ZBTB47: variants seen among roughly 807,000 people sequenced by gnomAD.
The protein encoded by ZBTB47 is zinc finger and BTB domain containing 47, also known as zinc finger and BTB domain-containing protein 47.
In ZBTB47, 24 loss-of-function variants were observed where a neutral mutation model predicts 56.6. The observed-to-expected ratio is 0.42, with a 90% CI of 0.31 to 0.60. ZBTB47 has a LOEUF of 0.60. ZBTB47 is among the 20% of genes least tolerant of loss of function. ZBTB47 has a pLI of 0.14. For synonymous variants in ZBTB47, 414 were observed against 418.9 expected, an observed-to-expected ratio of 0.99 and a Z score of 0.14; for missense variants, 829 against 1,032.6, an observed-to-expected ratio of 0.80 and a Z score of 2.70.
chr3:42,659,045 G>A lies in ZBTB47; in HGVS notation c.690G>A (p.Glu230=). 1.6e-5 allele frequency: 24 copies of A among 1,528,388 alleles called. No individual in the cohort carries two copies. Among genetic ancestry groups the A allele is most frequent in the Non-Finnish European group, 2.0e-5 (23 of 1,142,768 alleles). The allele number at this position is 1,528,388 out of a possible 1,614,324, so 94.7% of individuals were successfully genotyped here. ...GTTCTGGCACCTACAGCCGCAGGGA[G>A]CAATCCCAGATCATCGTGGAGGTGA... ...LGGSGTYSRR[E]QSQIIVEVNL... The change falls in exon 2 of 6, where the codon GAG becomes GAA. Residue 230 remains glutamate (E), a synonymous_variant. Coordinates refer to ENST00000232974, the MANE Select transcript of ZBTB47 (RefSeq NM_145166.4).
In ZBTB47 at chr3:42,659,103, G is replaced by A; in HGVS notation, c.748G>A (p.Gly250Arg). The A allele has an allele frequency of 6.7e-7, 1 of 1,498,066 alleles. No homozygotes were observed. The highest frequency in any genetic ancestry group is 8.9e-7 in the Non-Finnish European group (1 of 1,126,560). 92.8% of individuals were successfully genotyped at this position (1,498,066 alleles called of 1,614,324 possible). A position where few individuals can be genotyped will look rare whatever the true frequency, so the allele number is the denominator to read the frequency against. The change falls in exon 2 of 6, where the codon GGG (glycine) becomes AGG (arginine). Residue 250 changes from glycine to arginine, a missense_variant. Gly to Arg is a moderately radical substitution (Grantham distance 125). Coordinates refer to ENST00000232974, the MANE Select transcript of ZBTB47 (RefSeq NM_145166.4). ...CAACCAGACACTGCACGTGTCCACG[G>A]GGCCAGAGGGGAAGCCAGGTGCCGG... The part of the protein sequence containing the change: ...LNNQTLHVST[G>R]PEGKPGAGPS...
In ZBTB47 at chr3:42,658,839, C is replaced by T. The variant is rs1432196701; in HGVS notation, c.484C>T (p.Pro162Ser). The change falls in exon 2 of 6, where the codon CCT becomes TCT. Residue 162 changes from proline (P) to serine (S), a missense_variant. Pro to Ser is a moderately conservative substitution (Grantham distance 74). This residue lies in a region of ZBTB47 where 359 missense variants were observed against 359.8 expected (regional missense o/e 1.00). Coordinates refer to ENST00000232974, the MANE Select transcript of ZBTB47 (RefSeq NM_145166.4). ...GATCTATGCCCGCGAGGGCCCTGAC[C>T]CTTACTCGGTGCGTGTTGAGGACGG... ...PKIYAREGPD[P>S]YSVRVEDGAG... The T allele has an allele frequency of 6.5e-7, 1 of 1,533,082 alleles. No individual in the cohort carries two copies. The highest frequency in any genetic ancestry group is 8.7e-7 in the Non-Finnish European group (1 of 1,145,272). 95.0% of individuals were successfully genotyped at this position (1,533,082 alleles called of 1,614,324 possible). A position where few individuals can be genotyped will look rare whatever the true frequency, so the allele number is the denominator to read the frequency against.
intron 1 of ZBTB47, among the ~76,000 whole-genome samples, chr3:42,655,214 A>G (rs1710626617): frequency 6.6e-6 from 1 of 152,048 alleles, no homozygotes; most frequent in Non-Finnish European, 1.5e-5. Context: ...GGAGGCTGGC[A>G]TGGACACTCC....
At position 42,658,761 on chromosome 3, in the gene ZBTB47, C is replaced by T; in HGVS notation, c.406C>T (p.Pro136Ser). The change falls in exon 2 of 6, where the codon CCG (proline) becomes TCG (serine). Residue 136 changes from proline to serine, a missense_variant. Around this residue, in one of 6 missense-constraint regions of ZBTB47, gnomAD observed 120 missense variants for 200.2 expected, o/e 0.60. Coordinates refer to ENST00000232974, the MANE Select transcript of ZBTB47 (RefSeq NM_145166.4). ...GGCTGCCAGCTGCACTCCAGCTGCGCCGCCCTACTACTGTGACATCAAGCA... is the reference window on the plus strand; with the variant it reads ...GGCTGCCAGCTGCACTCCAGCTGCGTCGCCCTACTACTGTGACATCAAGCA... ...QPAASCTPAA[P>S]PYYCDIKQEA... 1 of 1,531,890 alleles carries T rather than the reference C, an allele frequency of 6.5e-7. No individual in the cohort carries two copies. The highest frequency in any genetic ancestry group is 8.7e-7 in the Non-Finnish European group (1 of 1,144,490). The allele number at this position is 1,531,890 out of a possible 1,614,324, so 94.9% of individuals were successfully genotyped here. A position where few individuals can be genotyped will look rare whatever the true frequency, so the allele number is the denominator to read the frequency against.
At chr3:42,658,249 C>T in intron 1 of ZBTB47, 26 bp from the exon 2 acceptor site, 1 of 1,450,942 alleles carries the variant, frequency 6.9e-7, no homozygotes, top group Non-Finnish European at 9.0e-7. Flanking sequence ...GGCCTTGACC[C>T]ACTCCTGTGC....
Position 42,665,165 on chromosome 3 carries a change from C to T in ZBTB47, c.*567C>T, listed in dbSNP as rs1360238059. The T allele has an allele frequency of 3.9e-5, 6 of 152,742 alleles. No homozygotes were observed. Among genetic ancestry groups the T allele is most frequent in the African/African-American group, 1.4e-4 (6 of 41,464 alleles). The allele number at this position is 152,742 out of a possible 1,614,324, so 9.5% of individuals were successfully genotyped here. A position where few individuals can be genotyped will look rare whatever the true frequency, so the allele number is the denominator to read the frequency against. On this transcript the variant is annotated 3_prime_UTR_variant, in exon 6 of 6. Transcript: ENST00000232974. ...GCAAGCACTGAGGCAGGGCCTGAGA[C>T]TGGACCTGGGTGAGCGTGGGGGGTG...
In ZBTB47 at chr3:42,666,623, A is replaced by T. The variant is rs3733060; in HGVS notation, c.*2025A>T. ...CCCATCACTGGCACCAGGATCTCCC[A>T]CAGGCACTGGTGGTGTCATCACCTG... On this transcript the variant is annotated 3_prime_UTR_variant, in exon 6 of 6. Transcript: ENST00000232974. Among the ~76,000 whole-genome samples the T allele has an allele frequency of 0.083, 12,655 of 152,110 alleles. 596 individuals are homozygous for T. Among genetic ancestry groups the T allele is most frequent in the South Asian group, 0.13 (630 of 4,824 alleles).
In ZBTB47 at chr3:42,658,852, G is replaced by A. The variant is rs1396358458; in HGVS notation, c.497G>A (p.Arg166His). Reference protein sequence around the residue: ...AREGPDPYSVRVEDGAGTAGG... With the variant: ...AREGPDPYSVHVEDGAGTAGG... ...GAGGGCCCTGACCCTTACTCGGTGC[G>A]TGTTGAGGACGGGGCAGGGACTGCT... The change falls in exon 2 of 6, where the codon CGT becomes CAT. Residue 166 changes from arginine to histidine, a missense_variant. Arg to His is a conservative substitution (Grantham distance 29). Coordinates refer to ENST00000232974, the MANE Select transcript of ZBTB47 (RefSeq NM_145166.4). 1.8e-5 allele frequency: 28 copies of A among 1,531,506 alleles called. No homozygotes were observed. Among genetic ancestry groups the A allele is most frequent in the East Asian group, 2.4e-5 (1 of 40,862 alleles). 94.9% of individuals were successfully genotyped at this position (1,531,506 alleles called of 1,614,324 possible).
rs1223323234 is a variant in ZBTB47, at chr3:42,663,810, G to A, written c.1751G>A (p.Arg584His). Residue 584 changes from arginine to histidine, a missense_variant, in exon 5 of 6, where the codon CGC becomes CAC. Arg to His is a conservative substitution (Grantham distance 29, BLOSUM62 0). Transcript: ENST00000232974. The surrounding 1 kb of genome is among the most constrained non-coding windows in gnomAD (Gnocchi z 5.1). Reference sequence around the variant, plus strand: ...CCCCACCCCCAGAACTGCAATGAGCGCTTCCAGTACAAGTACCAGCTGCGG... The same window carrying A: ...CCCCACCCCCAGAACTGCAATGAGCACTTCCAGTACAAGTACCAGCTGCGG... ...KPFRCENCNERFQYKYQLRSH... is the reference protein window; with the variant it reads ...KPFRCENCNEHFQYKYQLRSH... The A allele has an allele frequency of 3.1e-6, 5 of 1,612,744 alleles. No homozygotes were observed. Among genetic ancestry groups the A allele is most frequent in the Middle Eastern group, 1.6e-4 (1 of 6,078 alleles).
chr3:42,654,164 G>C lies in ZBTB47; in HGVS notation c.-82+281G>C, dbSNP rs912154858. The C allele has an allele frequency of 3.3e-5, 5 of 152,110 alleles. No individual in the cohort carries two copies. Among genetic ancestry groups the C allele is most frequent in the Non-Finnish European group, 7.4e-5 (5 of 68,024 alleles). 9.4% of individuals were successfully genotyped at this position (152,110 alleles called of 1,614,324 possible). On this transcript the variant is annotated intron_variant, in intron 1 of 5. Transcript: ENST00000232974. This position sits in a 1 kb window ranked among gnomAD's most constrained non-coding sequence, Gnocchi z 5.0. Reference sequence around the variant, plus strand: ...TGATTTCACGGCAGCTTCCTATCCTGGCTCCCCCTCCGTGGCGCAACCGGA... The same window carrying C: ...TGATTTCACGGCAGCTTCCTATCCTCGCTCCCCCTCCGTGGCGCAACCGGA...
rs1710803292 is a variant in ZBTB47, at chr3:42,667,486, C to G, written c.*2888C>G. Among the ~76,000 whole-genome samples, 1 of 152,228 alleles carries G rather than the reference C, an allele frequency of 6.6e-6. No homozygotes were observed. The highest frequency in any genetic ancestry group is 1.5e-5 in the Non-Finnish European group (1 of 68,044). On this transcript the variant is annotated 3_prime_UTR_variant, in exon 6 of 6. Transcript: ENST00000232974. ...AGGTGTGTGTTGAGACCATTGACAA[C>G]TGCTCGTGTACAGGCACCCCACAGC...
Position 42,659,594 on chromosome 3 carries a change from A to G in ZBTB47, c.1239A>G (p.Ala413=), listed in dbSNP as rs772276807. Residue 413 remains alanine, a synonymous_variant, in exon 2 of 6, where the codon GCA becomes GCG. Transcript: ENST00000232974. The part of the protein sequence containing the change: ...RPKPPPGVAS[A]SARGPPATDG... ...AGCCACCCCCTGGAGTGGCCTCTGCATCGGCCCGAGGGCCGCCAGCCACTG... is the reference window on the plus strand; with the variant it reads ...AGCCACCCCCTGGAGTGGCCTCTGCGTCGGCCCGAGGGCCGCCAGCCACTG... 2 of 1,600,758 alleles carry G rather than the reference A, an allele frequency of 1.2e-6. No individual in the cohort carries two copies. The highest frequency in any genetic ancestry group is 2.2e-5 in the South Asian group (2 of 89,434).
rs569777173 is a variant in ZBTB47 at position 42,666,979 on chromosome 3, G to A, written c.*2381G>A. Among the ~76,000 whole-genome samples, 1 of 152,254 alleles carries A rather than the reference G, an allele frequency of 6.6e-6. No homozygotes were observed. The highest frequency in any genetic ancestry group is 1.5e-5 in the Non-Finnish European group (1 of 68,046). On this transcript the variant is annotated 3_prime_UTR_variant, in exon 6 of 6. Transcript: ENST00000232974. The stretch of plus-strand genomic sequence containing the variant: ...ACTCTCTTCACTTGGGCCATTGTTG[G>A]TGGGGGCTCCTTTCCGGCCAGACCA...
At position 42,665,341 on chromosome 3, in the gene ZBTB47, C is replaced by T. The variant is rs767110507; in HGVS notation, c.*743C>T. The T allele has an allele frequency of 6.5e-6, 1 of 152,688 alleles. No homozygotes were observed. Among genetic ancestry groups the T allele is most frequent in the African/African-American group, 2.4e-5 (1 of 41,440 alleles). 9.5% of individuals were successfully genotyped at this position (152,688 alleles called of 1,614,324 possible). The stretch of plus-strand genomic sequence containing the variant: ...ACCTGCACCAGGTGGCACCAAGGGT[C>T]CTGAGTCCTGGAGATGTCCCCAGAA... On this transcript the variant is annotated 3_prime_UTR_variant, in exon 6 of 6. Coordinates refer to ENST00000232974, the MANE Select transcript of ZBTB47 (RefSeq NM_145166.4).
intron 2 of ZBTB47, 95 bp downstream of exon 2, chr3:42,659,923 T>C: frequency 7.0e-7 from 1 of 1,438,150 alleles, no homozygotes; most frequent in Non-Finnish European, 9.2e-7. Context: ...CTGACTGCAT[T>C]ACCTAGGTGG....
intron 2 of ZBTB47, 130 bp from the exon 3 acceptor site, chr3:42,661,355 G>A: frequency 1.0e-6 from 1 of 997,396 alleles, no homozygotes; most frequent in Non-Finnish European, 1.5e-6. Context: ...GAGCTGGCTG[G>A]CTGTTGGCAT....
chr3:42,657,080 A>C (rs1710647791), intron 1 of ZBTB47, among the ~76,000 whole-genome samples: 1 of 152,190 alleles, frequency 6.6e-6, no homozygotes, highest in Non-Finnish European at 1.5e-5. Context: ...CAACATCTGC[A>C]CATCACTGTG....
At chr3:42,664,035 T>C in intron 5 of ZBTB47, 94 bp downstream of exon 5, 1 of 1,491,550 alleles carries the variant, frequency 6.7e-7, no homozygotes, top group South Asian at 1.3e-5. Context: ...GCCACACCCC[T>C]TCTCAAGTCT....
Position 42,663,917 on chromosome 3 carries a change from G to C in ZBTB47, c.1858G>C (p.Asp620His), listed in dbSNP as rs1292175550. 6.2e-7 allele frequency: 1 copy of C among 1,613,104 alleles called. No individual in the cohort carries two copies. Residue 620 changes from aspartate to histidine, a missense_variant, in exon 5 of 6, where the codon GAT (aspartate) becomes CAT (histidine). Transcript: ENST00000232974. This position sits in a 1 kb window ranked among gnomAD's most constrained non-coding sequence, Gnocchi z 5.1. ...GKDFNMKQYF[D>H]EHMKTHTGEK... ...GGACTTCAACATGAAGCAGTACTTC[G>C]ATGAGCACATGAAGACCCACACAGG... is the stretch of plus-strand genomic sequence containing the variant.
Sources: gnomAD v4.1 joint callset for allele counts (sites outside exome capture counted in the v4.1 genomes callset) on GRCh38, gnomAD v4.1.1 for gene constraint, gnomAD v4.1.1 regional missense constraint, Gnocchi (gnomAD v3.1) non-coding constraint, MANE v1.5 for transcripts, NCBI Gene and HGNC (gene_info 2026-07-23, HGNC 2026-07-21) for gene names.